TTC28: variants seen among roughly 807,000 people sequenced by gnomAD.
TTC28 encodes the protein tetratricopeptide repeat domain 28.
TTC28 carries 61 observed loss-of-function variants against 198.0 expected under a neutral mutation model. The ratio of observed to expected loss-of-function variants is 0.31; its 90% CI spans 0.25 to 0.38. The LOEUF is 0.38. Among genes scored for constraint, TTC28 ranks in the 10% least tolerant of loss-of-function variants. The probability of loss-of-function intolerance (pLI) is 1.00; values close to 1 mark genes in which losing one functional copy is unlikely to be tolerated. For missense variants in TTC28, 2,678 were observed against 3,164.0 expected (o/e 0.85, Z 3.69); for synonymous variants, 1,171 against 1,297.8 (o/e 0.90, Z 2.10).
intron 12 of TTC28, among the ~76,000 whole-genome samples, chr22:28,080,151 A>G (rs1017225220): frequency 3.9e-5 from 6 of 152,220 alleles, no homozygotes; most frequent in Non-Finnish European, 5.9e-5. Context: ...GTAGTACTGC[A>G]ATGAATATGT....
At chr22:28,440,202 G>A (rs1170790513) in intron 2 of TTC28, among the ~76,000 whole-genome samples, 1 of 152,036 alleles carries the variant, frequency 6.6e-6, no homozygotes, top group Admixed American at 6.6e-5. Context: ...TGTGAATCTT[G>A]CTTTTTAGGG....
intron 12 of TTC28, among the ~76,000 whole-genome samples, chr22:28,036,085 G>A (rs1357242298): frequency 6.6e-6 from 1 of 152,122 alleles, no homozygotes; most frequent in Non-Finnish European, 1.5e-5. Context: ...AGATCAACGA[G>A]ACAGAAGGTT....
chr22:28,441,505 A>G (rs759357134), intron 2 of TTC28, among the ~76,000 whole-genome samples: 29 of 152,336 alleles, frequency 1.9e-4, no homozygotes, highest in Non-Finnish European at 4.0e-4. Flanking sequence ...ATTATAATAT[A>G]TAAGAGATTC....
intron 2 of TTC28, among the ~76,000 whole-genome samples, chr22:28,556,354 G>C (rs2049786119): frequency 6.6e-6 from 1 of 151,730 alleles, no homozygotes; most frequent in Non-Finnish European, 1.5e-5. Flanking sequence ...GCAAGACCCT[G>C]TCTCAAAAAA....
chr22:28,439,073 TA>T (rs1234691063), intron 2 of TTC28, among the ~76,000 whole-genome samples: 1 of 152,238 alleles, frequency 6.6e-6, no homozygotes, highest in South Asian at 2.1e-4. Context: ...ATATAGGTTT[TA>T]AAAATAGTTC....
intron 6 of TTC28, among the ~76,000 whole-genome samples, chr22:28,161,863 G>GAGGA (rs1170600829): frequency 9.3e-6 from 1 of 107,932 alleles, no homozygotes; most frequent in East Asian, 3.0e-4. Flanking sequence ...AAGGAAGAAA[G>GAGGA]AGGAAGGAAG....
chr22:28,577,365 G>GTC (rs1418542107), intron 2 of TTC28, among the ~76,000 whole-genome samples: 1 of 151,912 alleles, frequency 6.6e-6, no homozygotes, highest in South Asian at 2.1e-4. Flanking sequence ...TTTGAATGTT[G>GTC]TAAGACTTGT....
intron 1 of TTC28, 76 bp downstream of exon 1, chr22:28,679,546 G>A: frequency 2.9e-6 from 3 of 1,023,270 alleles, no homozygotes; most frequent in Non-Finnish European, 2.7e-6. Flanking sequence ...CTCCTCTGCC[G>A]CTGAGGCCCG....
intron 5 of TTC28, among the ~76,000 whole-genome samples, chr22:28,230,998 T>C (rs1416482052): frequency 2.6e-5 from 4 of 152,230 alleles, no homozygotes; most frequent in Admixed American, 2.0e-4. Context: ...TAAATACTAG[T>C]ATATAACTTG....
chr22:28,499,764 A>G lies in TTC28; in HGVS notation c.381+129788T>C, dbSNP rs189227424. Among the ~76,000 whole-genome samples, 882 of 152,330 alleles carry G rather than the reference A, an allele frequency of 5.8e-3. 10 individuals carry two copies. Among genetic ancestry groups the G allele is most frequent in the African/African-American group, 0.021 (856 of 41,582 alleles). ...AAATTAGCTTATTGAGTAAACTCCA[A>G]CACTATAATTTTTAATCTTTTTAAT... On this transcript the variant is annotated intron_variant, in intron 2 of 22. Transcript: ENST00000397906.
intron 5 of TTC28, among the ~76,000 whole-genome samples, chr22:28,238,552 A>G (rs568774749): frequency 1.7e-4 from 26 of 152,270 alleles, no homozygotes; most frequent in Middle Eastern, 3.4e-3. Flanking sequence ...TTTACTTGCA[A>G]ATCAGCCTAT....
chr22:28,070,452 T>C (rs1940922986), intron 12 of TTC28, among the ~76,000 whole-genome samples: 2 of 152,062 alleles, frequency 1.3e-5, no homozygotes, highest in Non-Finnish European at 2.9e-5. Context: ...GAAATTTCTG[T>C]AGAGAACAGG....
intron 12 of TTC28, among the ~76,000 whole-genome samples, chr22:28,042,421 A>G (rs1308910086): frequency 1.3e-5 from 2 of 152,166 alleles, no homozygotes; most frequent in African/African-American, 4.8e-5. Flanking sequence ...ATGAGTTCAT[A>G]ACCTTTGCAG....
chr22:28,399,318 T>A (rs949674226), intron 2 of TTC28, among the ~76,000 whole-genome samples: 36 of 58,802 alleles, frequency 6.1e-4, no homozygotes, highest in Non-Finnish European at 1.7e-3. Context: ...ACTAAAACTG[T>A]TTTTTTTTTT....
At chr22:28,372,094 C>T (rs2046346886) in intron 2 of TTC28, among the ~76,000 whole-genome samples, 1 of 151,844 alleles carries the variant, frequency 6.6e-6, no homozygotes, top group Non-Finnish European at 1.5e-5. Flanking sequence ...TTTCCCCCTA[C>T]CACCTCCCCG....
intron 5 of TTC28, among the ~76,000 whole-genome samples, chr22:28,288,046 T>G (rs1256794252): frequency 6.6e-6 from 1 of 152,138 alleles, no homozygotes; most frequent in African/African-American, 2.4e-5. Context: ...ATATGCAATA[T>G]TCATATGACT....
chr22:28,431,712 G>A (rs576514371), intron 2 of TTC28, among the ~76,000 whole-genome samples: 37 of 152,218 alleles, frequency 2.4e-4, no homozygotes, highest in South Asian at 1.7e-3. Context: ...GCACAGTGCC[G>A]CACGCCTGTA....
At chr22:28,670,978 G>A (rs1262314765) in intron 1 of TTC28, among the ~76,000 whole-genome samples, 1 of 151,932 alleles carries the variant, frequency 6.6e-6, no homozygotes, top group Non-Finnish European at 1.5e-5. Context: ...TCATGTTATT[G>A]GCCATTTGTA....
At chr22:28,352,250 A>G (rs960141418) in intron 2 of TTC28, among the ~76,000 whole-genome samples, 2 of 151,518 alleles carry the variant, frequency 1.3e-5, no homozygotes, top group African/African-American at 4.9e-5. Flanking sequence ...GTAATATCCT[A>G]GGGCTGAAAA....
Sources: gnomAD v4.1 joint callset for allele counts (sites outside exome capture counted in the v4.1 genomes callset) on GRCh38, gnomAD v4.1.1 for gene constraint, MANE v1.5 for transcripts, NCBI Gene and HGNC (gene_info 2026-07-23, HGNC 2026-07-21) for gene names.